Variants in CENPU observed in about 807,000 individuals in gnomAD.
CENPU encodes KSHV latent nuclear antigen interacting protein 1.
A neutral mutation model predicts 56.7 loss-of-function variants in CENPU; 46 were observed. The observed-to-expected ratio is 0.81, with a 90% CI of 0.64 to 1.04. The LOEUF (loss-of-function observed/expected upper bound fraction) is 1.04. CENPU is among the 50% of genes least tolerant of loss of function. The pLI, the probability that CENPU is intolerant of heterozygous loss-of-function variation, is 0.00. For synonymous variants in CENPU, 166 were observed against 163.0 expected, an observed-to-expected ratio of 1.02 and a Z score of -0.14; for missense variants, 510 against 490.1, an observed-to-expected ratio of 1.04 and a Z score of -0.38.
chr4:184,725,514 C>T (rs888070697), intron 3 of CENPU, among the ~76,000 whole-genome samples: 1 of 152,168 alleles, frequency 6.6e-6, no homozygotes, highest in Admixed American at 6.5e-5. Flanking sequence ...CTATGTTGCC[C>T]AGGTTGGGGA....
intron 4 of CENPU, 66 bp downstream of exon 4, chr4:184,724,891 A>G: frequency 9.5e-7 from 1 of 1,057,162 alleles, no homozygotes; most frequent in Admixed American, 2.2e-5. Flanking sequence ...ATTAGCTTCT[A>G]TCTTAAAGAG....
At chr4:184,717,003 G>A (rs992884736) in intron 5 of CENPU, 133 bp downstream of exon 5, 4 of 644,764 alleles carry the variant, frequency 6.2e-6, no homozygotes, top group African/African-American at 3.7e-5. Flanking sequence ...ATGAAAAATG[G>A]TGCTACGGAA....
At chr4:184,728,647 C>T (rs1021599054) in intron 3 of CENPU, among the ~76,000 whole-genome samples, 3 of 152,116 alleles carry the variant, frequency 2.0e-5, no homozygotes, top group African/African-American at 7.2e-5. Context: ...TGCTATGTTC[C>T]CCTTATTACA....
intron 10 of CENPU, among the ~76,000 whole-genome samples, chr4:184,701,716 G>A (rs1760540317): frequency 6.6e-6 from 1 of 152,184 alleles, no homozygotes; most frequent in South Asian, 2.1e-4. Context: ...AAAAGGTTGT[G>A]CTTTTCGACA....
intron 6 of CENPU, chr4:184,714,091 T>G (rs1258271942): frequency 6.6e-6 from 1 of 152,048 alleles, no homozygotes; most frequent in Non-Finnish European, 1.5e-5. Context: ...TCAGAAACCA[T>G]GGCAACCAGA....
intron 12 of CENPU, among the ~76,000 whole-genome samples, chr4:184,697,270 G>A (rs1175821525): frequency 6.6e-6 from 1 of 152,182 alleles, no homozygotes; most frequent in Non-Finnish European, 1.5e-5. Flanking sequence ...ACATGGGCTA[G>A]ACCAAACAGA....
In CENPU at chr4:184,727,424, T is replaced by C. The variant is rs184127571; in HGVS notation, c.214+1494A>G. Among the ~76,000 whole-genome samples the C allele has an allele frequency of 2.8e-3, 420 of 152,262 alleles. 4 individuals carry two copies. The highest frequency in any genetic ancestry group is 4.6e-3 in the Non-Finnish European group (311 of 68,010). On this transcript the variant is annotated intron_variant, in intron 3 of 12. Transcript: ENST00000281453. Reference sequence around the variant, plus strand: ...AGTTAATACACTTAAAAAAGGTTAATATGGTAAACTATATTTTACCACCCA... The same window carrying C: ...AGTTAATACACTTAAAAAAGGTTAACATGGTAAACTATATTTTACCACCCA...
At chr4:184,717,624 T>A (rs1043379469) in intron 4 of CENPU, among the ~76,000 whole-genome samples, 1 of 152,270 alleles carries the variant, frequency 6.6e-6, no homozygotes. Context: ...CTTTTCATTC[T>A]GTTCAATACA....
chr4:184,697,883 G>C (rs1325971387), intron 11 of CENPU, 80 bp from the exon 12 acceptor site: 14 of 1,135,844 alleles, frequency 1.2e-5, no homozygotes, highest in Non-Finnish European at 1.7e-5. Context: ...CGCTGAGCGA[G>C]TGTGAAGAAC....
chr4:184,717,320 A>T, intron 4 of CENPU, 124 bp from the exon 5 acceptor site: 1 of 708,146 alleles, frequency 1.4e-6, no homozygotes, highest in Non-Finnish European at 2.4e-6. Flanking sequence ...TATTTGTCAC[A>T]TACAAGTCTG....
At chr4:184,723,910 T>C (rs1420496854) in intron 4 of CENPU, among the ~76,000 whole-genome samples, 1 of 148,296 alleles carries the variant, frequency 6.7e-6, no homozygotes, top group East Asian at 2.0e-4. Context: ...AAAACTTCCC[T>C]AGTGTAGACA....
intron 5 of CENPU, 84 bp downstream of exon 5, chr4:184,717,052 A>C: frequency 1.2e-6 from 1 of 865,788 alleles, no homozygotes; most frequent in East Asian, 2.5e-5. Flanking sequence ...GAGGAAATGA[A>C]ATATTTTACA....
intron 1 of CENPU, 134 bp from the exon 2 acceptor site, chr4:184,731,102 A>G (rs1761628457): frequency 1.5e-6 from 1 of 658,956 alleles, no homozygotes; most frequent in Non-Finnish European, 2.5e-6. Flanking sequence ...TTTATTTTTT[A>G]TAGGTCAAAT....
At chr4:184,713,036 G>A in intron 6 of CENPU, 23 bp from the exon 7 acceptor site, 1 of 1,437,126 alleles carries the variant, frequency 7.0e-7, no homozygotes, top group South Asian at 1.2e-5. Context: ...AAAGCATTAA[G>A]TTTTTAAGAA....
chr4:184,716,494 G>A lies in CENPU; in HGVS notation c.521C>T (p.Ser174Leu). ...VIRTTASSEL[S>L]EKPAESVTSK... ...AGTGACAGACTCAGCTGGTTTCTCT[G>A]AAAGTTCTGAAGACGCTGTGGTTCG... Residue 174 changes from serine (S) to leucine (L), a missense_variant, in exon 6 of 13, where the codon TCA becomes TTA. Coordinates refer to ENST00000281453, the MANE Select transcript of CENPU (RefSeq NM_024629.4). 6.2e-7 allele frequency: 1 copy of A among 1,614,156 alleles called. No individual in the cohort carries two copies. Among genetic ancestry groups the A allele is most frequent in the Non-Finnish European group, 8.5e-7 (1 of 1,180,032 alleles).
At chr4:184,725,322 CT>C (rs1271603754) in intron 3 of CENPU, among the ~76,000 whole-genome samples, 1 of 152,046 alleles carries the variant, frequency 6.6e-6, no homozygotes, top group Non-Finnish European at 1.5e-5. Flanking sequence ...TTTTTGGTTT[CT>C]GAAACAGGGC....
chr4:184,715,593 A>T (rs1362290490), intron 6 of CENPU, among the ~76,000 whole-genome samples: 5 of 152,200 alleles, frequency 3.3e-5, no homozygotes, highest in Non-Finnish European at 7.3e-5. Flanking sequence ...GATTACAGGC[A>T]TGAGCCACCG....
Position 184,707,262 on chromosome 4 carries a change from T to C in CENPU, c.797+2810A>G, listed in dbSNP as rs150633855. On this transcript the variant is annotated intron_variant, in intron 8 of 12. Transcript: ENST00000281453. Reference sequence around the variant, plus strand: ...GGTCATGTAGAGAGAATAACTGCTGTAAGGAGTGGCGCTGTGGCCAGGGCA... The same window carrying C: ...GGTCATGTAGAGAGAATAACTGCTGCAAGGAGTGGCGCTGTGGCCAGGGCA... Among the ~76,000 whole-genome samples, 291 of 151,074 alleles carry C rather than the reference T, an allele frequency of 1.9e-3. 2 individuals carry two copies. The highest frequency in any genetic ancestry group is 0.017 in the Middle Eastern group (5 of 294).
intron 11 of CENPU, among the ~76,000 whole-genome samples, chr4:184,700,530 G>A (rs532351335): frequency 6.6e-6 from 1 of 152,306 alleles, no homozygotes; most frequent in African/African-American, 2.4e-5. Context: ...AGTTCAAGCA[G>A]TTTAATGTGT....
Sources: gnomAD v4.1 joint callset for allele counts (sites outside exome capture counted in the v4.1 genomes callset) on GRCh38, gnomAD v4.1.1 for gene constraint, MANE v1.5 for transcripts, NCBI Gene and HGNC (gene_info 2026-07-23, HGNC 2026-07-21) for gene names.